Variants in IFNLR1 observed in about 807,000 individuals in gnomAD.
IFNLR1 encodes CRF2-12.
IFNLR1 carries 28 observed loss-of-function variants against 52.5 expected under a neutral mutation model. The ratio of observed to expected loss-of-function variants is 0.53; its 90% CI spans 0.40 to 0.73. IFNLR1 has a LOEUF of 0.73. IFNLR1 is among the 30% of genes least tolerant of loss of function. The pLI is 0.00. For synonymous variants in IFNLR1, 276 were observed against 274.9 expected, an observed-to-expected ratio of 1.00 and a Z score of -0.04; for missense variants, 623 against 659.1, an observed-to-expected ratio of 0.95 and a Z score of 0.60.
chr1:24,170,402 C>G (rs1171041915), intron 2 of IFNLR1, among the ~76,000 whole-genome samples: 1 of 152,080 alleles, frequency 6.6e-6, no homozygotes, highest in Non-Finnish European at 1.5e-5. Context: ...GTTCTGTTGC[C>G]CAGGCTGGGG....
Position 24,159,543 on chromosome 1 carries a change from T to C in IFNLR1, c.601A>G (p.Ile201Val). 1 of 1,613,958 alleles carries C rather than the reference T, an allele frequency of 6.2e-7. No individual in the cohort carries two copies. Among genetic ancestry groups the C allele is most frequent in the Non-Finnish European group, 8.5e-7 (1 of 1,179,954 alleles). The change falls in exon 5 of 7, where the codon ATC becomes GTC. Residue 201 changes from isoleucine to valine, a missense_variant. Ile to Val is a conservative substitution (Grantham distance 29). Transcript: ENST00000327535. Reference sequence around the variant, plus strand: ...TATTTCGGGACACTGAACGTGTAGATGGTTCTGGCACTGAGGCAGTGGTGT... The same window carrying C: ...TATTTCGGGACACTGAACGTGTAGACGGTTCTGGCACTGAGGCAGTGGTGT... Reference protein sequence around the residue: ...SEHHCLSARTIYTFSVPKYSK... With the variant: ...SEHHCLSARTVYTFSVPKYSK...
At chr1:24,161,505 G>T (rs1367321036) in intron 4 of IFNLR1, 37 bp downstream of exon 4, 1 of 1,552,422 alleles carries the variant, frequency 6.4e-7, no homozygotes, top group African/African-American at 1.4e-5. Flanking sequence ...GGGTGGAGGA[G>T]CGGGCCTAGC....
At chr1:24,158,011 T>A in intron 6 of IFNLR1, 120 bp from the exon 7 acceptor site, 1 of 966,354 alleles carries the variant, frequency 1.0e-6, no homozygotes, top group South Asian at 1.7e-5. Flanking sequence ...GCAGTTTCTT[T>A]GGGAGATGAT....
At chr1:24,159,392 G>A (rs1644416103) in intron 5 of IFNLR1, 82 bp downstream of exon 5, 1 of 1,393,666 alleles carries the variant, frequency 7.2e-7, no homozygotes, top group South Asian at 1.3e-5. Context: ...TCTATCTCTA[G>A]GCTCATGTTC....
chr1:24,158,979 ACT>A, intron 6 of IFNLR1, 71 bp downstream of exon 6: 1 of 1,467,482 alleles, frequency 6.8e-7, no homozygotes, highest in Non-Finnish European at 9.4e-7. Context: ...TATCTGAACA[ACT>A]CATAGCTCCA....
chr1:24,184,685 T>C lies in IFNLR1; in HGVS notation c.58+2506A>G, dbSNP rs185825788. The stretch of plus-strand genomic sequence containing the variant: ...CCTCCAGGGAATCTTCCTTGACATA[T>C]CTACGAGGTGATGATGATGATGATA... On this transcript the variant is annotated intron_variant, in intron 1 of 6. Transcript: ENST00000327535. Among the ~76,000 whole-genome samples, 866 of 152,288 alleles carry C rather than the reference T, an allele frequency of 5.7e-3. 8 individuals are homozygous for C. Among genetic ancestry groups the C allele is most frequent in the South Asian group, 0.04 (192 of 4,820 alleles).
In IFNLR1 at chr1:24,173,993, G is replaced by A. The variant is rs184155407; in HGVS notation, c.183-4392C>T. Among the ~76,000 whole-genome samples, 3 of 152,256 alleles carry A rather than the reference G, an allele frequency of 2.0e-5. No homozygotes were observed. In the East Asian group the frequency reaches 5.8e-4, roughly 29 times the overall value. On this transcript the variant is annotated intron_variant, in intron 2 of 6. Coordinates refer to ENST00000327535, the MANE Select transcript of IFNLR1 (RefSeq NM_170743.4). ...AATTGAGTTCCCCCAAAATTCATATGTTGAAGACCTCATCCCCAGTGGTAT... is the reference window on the plus strand; with the variant it reads ...AATTGAGTTCCCCCAAAATTCATATATTGAAGACCTCATCCCCAGTGGTAT...
rs148120724 is a variant in IFNLR1, at chr1:24,171,274, G to A, written c.183-1673C>T. On this transcript the variant is annotated intron_variant, in intron 2 of 6. Transcript: ENST00000327535. ...AAAAATAAATACATAAATAAATAAAGAACAACACAGTTATCAAGTTGGTCT... is the reference window on the plus strand; with the variant it reads ...AAAAATAAATACATAAATAAATAAAAAACAACACAGTTATCAAGTTGGTCT... Among the ~76,000 whole-genome samples the A allele has an allele frequency of 7.2e-3, 1,089 of 151,384 alleles. 10 individuals are homozygous for A. The highest frequency in any genetic ancestry group is 0.012 in the Admixed American group (178 of 15,266).
chr1:24,179,256 G>GAGGAT (rs1432717718), intron 2 of IFNLR1, among the ~76,000 whole-genome samples: 2 of 151,954 alleles, frequency 1.3e-5, no homozygotes, highest in Admixed American at 6.6e-5. Context: ...CTTGGTCCTA[G>GAGGAT]AGGATAGACT....
intron 3 of IFNLR1, among the ~76,000 whole-genome samples, chr1:24,165,294 A>T (rs1644507258): frequency 6.6e-6 from 1 of 152,226 alleles, no homozygotes; most frequent in East Asian, 1.9e-4. Context: ...ACTGCAGGAC[A>T]CAATTCTGCT....
chr1:24,167,904 A>G (rs2148593898), intron 3 of IFNLR1, among the ~76,000 whole-genome samples: 1 of 150,674 alleles, frequency 6.6e-6, no homozygotes, highest in South Asian at 2.1e-4. Flanking sequence ...TCACTGTGTT[A>G]GCCAGGATGG....
intron 4 of IFNLR1, 119 bp downstream of exon 4, chr1:24,161,423 T>C (rs1018979362): frequency 9.0e-7 from 1 of 1,112,258 alleles, no homozygotes; most frequent in African/African-American, 1.6e-5. Context: ...AAGTCAGGAG[T>C]GTACAGGGAA....
intron 3 of IFNLR1, among the ~76,000 whole-genome samples, chr1:24,164,200 A>G (rs1644494848): frequency 6.6e-6 from 1 of 152,208 alleles, no homozygotes; most frequent in African/African-American, 2.4e-5. Flanking sequence ...CCAGCCAAGA[A>G]AACTCCATTA....
chr1:24,183,149 A>G (rs1557654175), intron 1 of IFNLR1, among the ~76,000 whole-genome samples: 1 of 152,206 alleles, frequency 6.6e-6, no homozygotes, highest in East Asian at 1.9e-4. Context: ...TTATACTAAA[A>G]TTCATGAGCC....
Position 24,157,590 on chromosome 1 carries a change from C to A in IFNLR1, c.1103G>T (p.Gly368Val). The change falls in exon 7 of 7, where the codon GGG becomes GTG. Residue 368 changes from glycine to valine, a missense_variant. Transcript: ENST00000327535. This position sits in a 1 kb window ranked among gnomAD's most constrained non-coding sequence, Gnocchi z 5.1. ...GHSEAGGVDS[G>V]RPRAPLVPSE... ...TGGGACCAGAGGAGCCCTGGGCCTC[C>A]CTGAGTCCACCCCACCAGCCTCCGA... The A allele has an allele frequency of 6.2e-7, 1 of 1,611,186 alleles. No individual in the cohort carries two copies. Among genetic ancestry groups the A allele is most frequent in the Non-Finnish European group, 8.5e-7 (1 of 1,178,774 alleles).
chr1:24,187,132 G>T, intron 1 of IFNLR1, 59 bp downstream of exon 1: 1 of 1,173,824 alleles, frequency 8.5e-7, no homozygotes, highest in Admixed American at 3.4e-5. Flanking sequence ...TCCGAGGGTA[G>T]GCGCGGCCCG....
intron 2 of IFNLR1, among the ~76,000 whole-genome samples, chr1:24,178,006 T>C (rs12747635): frequency 0.4 from 60,807 of 151,988 alleles, 13,287 homozygotes; most frequent in East Asian, 0.57. Flanking sequence ...ACATGTAGGC[T>C]GGGTGCGATG....
At chr1:24,180,599 T>G (rs1177856484) in intron 2 of IFNLR1, 132 bp downstream of exon 2, 1 of 837,140 alleles carries the variant, frequency 1.2e-6, no homozygotes, top group African/African-American at 1.7e-5. Context: ...GCCGGCCACA[T>G]GCCATCTCCC....
chr1:24,175,408 C>T (rs1298951940), intron 2 of IFNLR1, among the ~76,000 whole-genome samples: 1 of 152,204 alleles, frequency 6.6e-6, no homozygotes, highest in African/African-American at 2.4e-5. Flanking sequence ...AGGTTTTAGA[C>T]TTGCTTGGGA....
Sources: gnomAD v4.1 joint callset for allele counts (sites outside exome capture counted in the v4.1 genomes callset) on GRCh38, gnomAD v4.1.1 for gene constraint, Gnocchi (gnomAD v3.1) non-coding constraint, MANE v1.5 for transcripts, NCBI Gene and HGNC (gene_info 2026-07-23, HGNC 2026-07-21) for gene names.